Variants in SLC19A1 observed in about 807,000 individuals in gnomAD.
SLC19A1 encodes solute carrier family 19 member 1, also known as reduced folate transporter.
SLC19A1 carries 37 observed loss-of-function variants against 35.3 expected under a neutral mutation model. That is an observed-to-expected ratio of 1.05 (90% confidence interval 0.81 to 1.38). SLC19A1 has a LOEUF of 1.38. SLC19A1 is among the 40% of genes most tolerant of loss of function. The probability of loss-of-function intolerance (pLI) is 0.00; values close to 1 mark genes in which losing one functional copy is unlikely to be tolerated. For missense variants in SLC19A1, 831 were observed against 826.9 expected (o/e 1.00, Z -0.06); for synonymous variants, 460 against 398.5 (o/e 1.15, Z -1.84).
Position 45,515,735 on chromosome 21 carries a change from C to T in SLC19A1, c.1699G>A (p.Ala567Thr). 1 of 1,613,818 alleles carries T rather than the reference C, an allele frequency of 6.2e-7. No homozygotes were observed. The highest frequency in any genetic ancestry group is 2.2e-5 in the East Asian group (1 of 44,872). ...EAADETCPQL[A>T]VHPPGVSKLG... is the part of the protein sequence containing the mutation. Reference sequence around the variant, plus strand: ...TTGCTGACACCAGGAGGATGGACAGCCAGCTGGGGACAAGTCTCATCTGCA... The same window carrying T: ...TTGCTGACACCAGGAGGATGGACAGTCAGCTGGGGACAAGTCTCATCTGCA... Residue 567 changes from alanine to threonine, a missense_variant, in exon 6 of 6, where the codon GCT becomes ACT. Ala to Thr is a moderately conservative substitution (Grantham distance 58). Transcript: ENST00000311124.
intron 5 of SLC19A1, among the ~76,000 whole-genome samples, chr21:45,523,422 C>T (rs1012428245): frequency 6.6e-6 from 1 of 152,162 alleles, no homozygotes; most frequent in Non-Finnish European, 1.5e-5. Context: ...AGAGCTGTCT[C>T]CCCCACAGCC....
At chr21:45,509,492 C>G, downstream of SLC19A1, 1 of 1,530,284 alleles carries the variant, frequency 6.5e-7, no homozygotes, top group Non-Finnish European at 8.8e-7. Context: ...CCTCGCCTGC[C>G]CGAGCCCCAG....
At chr21:45,504,528 C>T in intron 3 of SLC19A1, 1 of 818,492 alleles carries the variant, frequency 1.2e-6, no homozygotes, top group Non-Finnish European at 1.8e-6. Flanking sequence ...CCAGGCCCCC[C>T]AGGCCCACGT....
upstream of SLC19A1, among the ~76,000 whole-genome samples, chr21:45,547,955 C>T (rs967651011): frequency 2.6e-5 from 4 of 152,208 alleles, no homozygotes; most frequent in Admixed American, 1.3e-4. Context: ...ACAGAGATCT[C>T]ACAGGCTTAT....
At position 45,522,400 on chromosome 21, in the gene SLC19A1, C is replaced by T. The variant is rs553178744; in HGVS notation, c.1293+3417G>A. On this transcript the variant is annotated intron_variant, in intron 5 of 5. Transcript: ENST00000311124. ...AAAGTCTGCTGGTGGTGATATAAAA[C>T]GGTACGACTGCTATGGAAAGTGGGC... is the stretch of plus-strand genomic sequence containing the variant. 3.5e-4 allele frequency among the ~76,000 whole-genome samples: 53 copies of T among 152,264 alleles called. No homozygotes were observed. In the South Asian group the frequency reaches 5.4e-3, roughly 15 times the overall value.
downstream of SLC19A1, chr21:45,511,167 G>A (rs199498978): frequency 1.6e-4 from 249 of 1,601,752 alleles, 1 homozygote; most frequent in East Asian, 4.3e-3. Context: ...AGGGTCCGCT[G>A]AAGCCCGGGG....
chr21:45,531,639 G>A lies in SLC19A1; in HGVS notation c.699C>T (p.Gly233=), dbSNP rs764558711. ...SASELERMNP[G]PGGKLGHALR... is the part of the protein sequence containing the mutation. The stretch of plus-strand genomic sequence containing the variant: ...GGGCGTGTCCCAGCTTCCCGCCTGG[G>A]CCAGGATTCATGCGCTCCAGCTCCG... Residue 233 remains glycine, a synonymous_variant, in exon 3 of 6, where the codon GGC becomes GGT. Coordinates refer to ENST00000311124, the MANE Select transcript of SLC19A1 (RefSeq NM_194255.4). 1.2e-6 allele frequency: 2 copies of A among 1,612,216 alleles called. No homozygotes were observed. Among genetic ancestry groups the A allele is most frequent in the South Asian group, 2.2e-5 (2 of 91,068 alleles).
In SLC19A1 at chr21:45,514,920, C is replaced by A; in HGVS notation, c.*738G>T. On this transcript the variant is annotated 3_prime_UTR_variant, in exon 6 of 6. Transcript: ENST00000311124. ...CCAAGGCCAGCACGTCCGCGGTGAC[C>A]GGGACCAGTCCCCTCCGGGCTGGCA... 1 of 1,344,478 alleles carries A rather than the reference C, an allele frequency of 7.4e-7. No individual in the cohort carries two copies. Among genetic ancestry groups the A allele is most frequent in the Non-Finnish European group, 9.9e-7 (1 of 1,013,930 alleles). 83.3% of individuals were successfully genotyped at this position (1,344,478 alleles called of 1,614,324 possible).
chr21:45,505,151 C>T lies in SLC19A1; in HGVS notation c.498-6539G>A, dbSNP rs1035728200. 2.2e-5 allele frequency: 35 copies of T among 1,608,796 alleles called. No individual in the cohort carries two copies. Among genetic ancestry groups the T allele is most frequent in the Non-Finnish European group, 2.7e-5 (32 of 1,178,612 alleles). ...GTCCGTAGGGTCCCAAGGGAGAGAG[C>T]ATCCGGGGCCAGCCCGGCCCACCTG... is the stretch of plus-strand genomic sequence containing the variant. On this transcript the variant is annotated intron_variant, in intron 3 of 4. Transcript: ENST00000417954.
rs1163913102 is a variant in SLC19A1, at chr21:45,549,695, G to A, written c.-49-11687C>T. Among the ~76,000 whole-genome samples the A allele has an allele frequency of 1.9e-4, 15 of 80,406 alleles. No homozygotes were observed. In the South Asian group the frequency reaches 9.0e-3, roughly 48 times the overall value. The allele number at this position is 80,406 out of a possible 152,430, so 52.7% of individuals were successfully genotyped here. The stretch of plus-strand genomic sequence containing the variant: ...GACAGGTGGTGGGGGAGGGGCAGGG[G>A]GAGAGGTGGTGGGTGGTGGGGAGGG... On this transcript the variant is annotated intron_variant, in intron 1 of 5. Coordinates refer to the SLC19A1 transcript ENST00000650808.
chr21:45,562,654 A>T (rs1441356446), intron 1 of SLC19A1, among the ~76,000 whole-genome samples: 1 of 152,230 alleles, frequency 6.6e-6, no homozygotes, highest in Non-Finnish European at 1.5e-5. Flanking sequence ...GGTTTCCTAC[A>T]GCTGAGGAAA....
rs1051266 is a variant in SLC19A1, at chr21:45,537,880, T to C, written c.80A>G (p.His27Arg). Residue 27 changes from histidine (H) to arginine (R), a missense_variant, in exon 2 of 6, where the codon CAC becomes CGC. Coordinates refer to ENST00000311124, the MANE Select transcript of SLC19A1 (RefSeq NM_194255.4). ...GPDPELRSWR[H>R]LVCYLCFYGF... is the part of the protein sequence containing the mutation. ...GTAGAAGCAAAGGTAGCACACGAGG[T>C]GCCGCCAGGACCGGAGCTCGGGGTC... The C allele has an allele frequency of 0.56, 889,840 of 1,600,100 alleles. 249,464 individuals are homozygous for C. The highest frequency in any genetic ancestry group is 0.59 in the South Asian group (52,704 of 89,268).
At chr21:45,510,635 T>C (rs62214277), downstream of SLC19A1, among the ~76,000 whole-genome samples, 1,905 of 152,328 alleles carry the variant, frequency 0.013, 27 homozygotes, top group East Asian at 0.035. Flanking sequence ...TCTAGTGCCA[T>C]GCGGGCTGGT....
chr21:45,519,477 A>C (rs2077372393), intron 5 of SLC19A1, among the ~76,000 whole-genome samples: 1 of 151,838 alleles, frequency 6.6e-6, no homozygotes, highest in Non-Finnish European at 1.5e-5. Context: ...GGAAGGTTGA[A>C]AGTAAAACGA....
chr21:45,508,407 G>C (rs574117597), downstream of SLC19A1, among the ~76,000 whole-genome samples: 5 of 143,056 alleles, frequency 3.5e-5, no homozygotes, highest in South Asian at 1.1e-3. Context: ...TGGATAGGTA[G>C]ATGAGTGGAT....
intron 5 of SLC19A1, among the ~76,000 whole-genome samples, chr21:45,518,185 A>T (rs2038063106): frequency 1.3e-5 from 2 of 152,238 alleles, no homozygotes; most frequent in African/African-American, 4.8e-5. Flanking sequence ...GAAATAAAAA[A>T]AATTTAGAAC....
Position 45,530,833 on chromosome 21 carries a change from C to G in SLC19A1, c.1088G>C (p.Trp363Ser). The change falls in exon 4 of 6, where the codon TGG (tryptophan) becomes TCG (serine). Residue 363 changes from tryptophan (W) to serine (S), a missense_variant. Physicochemically the swap from Trp to Ser is radical, Grantham distance 177. Coordinates refer to ENST00000311124, the MANE Select transcript of SLC19A1 (RefSeq NM_194255.4). This position sits in a 1 kb window ranked among gnomAD's most constrained non-coding sequence, Gnocchi z 5.3. ...LAHTRHPSSI[W>S]LCYAAFVLFR... ...CAGCACGAAGGCCGCATAGCACAGC[C>G]AGATGCTGCTCGGGTGGCGCGTGTG... 6.5e-7 allele frequency: 1 copy of G among 1,536,132 alleles called. No individual in the cohort carries two copies. The highest frequency in any genetic ancestry group is 1.2e-5 in the South Asian group (1 of 82,134).
intron 3 of SLC19A1, chr21:45,505,424 C>A: frequency 6.5e-7 from 1 of 1,547,568 alleles, no homozygotes; most frequent in Non-Finnish European, 8.8e-7. Context: ...ATGGGCGCCT[C>A]CTCAGGGGTA....
At chr21:45,549,205 A>G (rs948857531), upstream of SLC19A1, among the ~76,000 whole-genome samples, 4 of 152,222 alleles carry the variant, frequency 2.6e-5, no homozygotes, top group African/African-American at 9.6e-5. Flanking sequence ...CTAAAAGGAA[A>G]TAACAACTGA....
Sources: allele counts gnomAD v4.1 joint callset (sites outside exome capture counted in the v4.1 genomes callset), GRCh38; gene constraint gnomAD v4.1.1; non-coding constraint Gnocchi (gnomAD v3.1); transcripts MANE v1.5; gene names NCBI Gene and HGNC (gene_info 2026-07-23, HGNC 2026-07-21).